The following DLGAP1 variants were observed in gnomAD, a reference collection of about 807,000 sequenced individuals.
DLGAP1 encodes disks large-associated protein 1.
A neutral mutation model predicts 90.8 loss-of-function variants in DLGAP1; 11 were observed. The ratio of observed to expected loss-of-function variants is 0.12; its 90% CI spans 0.08 to 0.20. The LOEUF (loss-of-function observed/expected upper bound fraction) is 0.20, where lower values mean the gene tolerates loss of function less well. Among genes scored for constraint, DLGAP1 ranks in the 10% least tolerant of loss-of-function variants. DLGAP1 has a pLI of 1.00. For synonymous variants in DLGAP1, 558 were observed against 540.7 expected (o/e 1.03, Z -0.44); for missense variants, 1,050 against 1,333.8 (o/e 0.79, Z 3.31).
At chr18:3,568,969 A>T (rs1400074232) in intron 8 of DLGAP1, among the ~76,000 whole-genome samples, 2 of 150,874 alleles carry the variant, frequency 1.3e-5, no homozygotes, top group African/African-American at 2.4e-5. Context: ...TACAGCCATG[A>T]GCCACCACGC....
chr18:3,583,986 C>T (rs1466714112), intron 7 of DLGAP1, among the ~76,000 whole-genome samples: 1 of 152,056 alleles, frequency 6.6e-6, no homozygotes, highest in Non-Finnish European at 1.5e-5. Flanking sequence ...CTGCTGAGTA[C>T]AATTTTGGAC....
At chr18:3,521,520 G>A (rs971713023) in intron 10 of DLGAP1, among the ~76,000 whole-genome samples, 2 of 152,150 alleles carry the variant, frequency 1.3e-5, no homozygotes, top group African/African-American at 4.8e-5. Flanking sequence ...AGCTGAGACT[G>A]TCTCTTCCCT....
intron 9 of DLGAP1, among the ~76,000 whole-genome samples, chr18:3,561,860 T>C (rs1283706228): frequency 6.6e-6 from 1 of 150,916 alleles, no homozygotes; most frequent in Non-Finnish European, 1.5e-5. Flanking sequence ...TTATGGGACT[T>C]ACAGTTCCAT....
intron 3 of DLGAP1, among the ~76,000 whole-genome samples, chr18:3,958,460 CA>C (rs71160925): frequency 0.61 from 59,632 of 97,152 alleles, 16,179 homozygotes; most frequent in East Asian, 0.78. Context: ...TTAGGATAAG[CA>C]AAAAAAAAAA....
At chr18:3,823,460 G>T (rs2067533504) in intron 4 of DLGAP1, among the ~76,000 whole-genome samples, 1 of 152,098 alleles carries the variant, frequency 6.6e-6, no homozygotes, top group Non-Finnish European at 1.5e-5. Context: ...AAAAAATTGA[G>T]ACTTAGTGGT....
chr18:3,910,937 G>C (rs1236039429), intron 3 of DLGAP1, among the ~76,000 whole-genome samples: 1 of 152,192 alleles, frequency 6.6e-6, no homozygotes, highest in Non-Finnish European at 1.5e-5. Context: ...AAGGATCATT[G>C]CTTGCTGGGA....
At chr18:3,987,177 G>C (rs758368412) in intron 3 of DLGAP1, among the ~76,000 whole-genome samples, 4 of 152,128 alleles carry the variant, frequency 2.6e-5, no homozygotes, top group Admixed American at 6.5e-5. Flanking sequence ...TCAAATGGTA[G>C]AGTGCCTTGG....
chr18:4,287,816 A>C (rs1211194204), intron 1 of DLGAP1, among the ~76,000 whole-genome samples: 1 of 152,110 alleles, frequency 6.6e-6, no homozygotes, highest in Non-Finnish European at 1.5e-5. Context: ...AAACCTGTAC[A>C]TTCTGCACAT....
intron 7 of DLGAP1, among the ~76,000 whole-genome samples, chr18:3,629,784 G>A (rs2058457349): frequency 6.6e-6 from 1 of 152,120 alleles, no homozygotes; most frequent in African/African-American, 2.4e-5. Context: ...ACTTATTTTG[G>A]ATTCCTAATG....
chr18:4,451,247 A>C (rs758686097), intron 1 of DLGAP1, among the ~76,000 whole-genome samples: 2 of 152,156 alleles, frequency 1.3e-5, no homozygotes, highest in Non-Finnish European at 2.9e-5. Context: ...AGAACAGAAG[A>C]CCTCAAAGGG....
At chr18:3,609,220 A>T (rs2057475777) in intron 7 of DLGAP1, among the ~76,000 whole-genome samples, 1 of 152,020 alleles carries the variant, frequency 6.6e-6, no homozygotes, top group South Asian at 2.1e-4. Context: ...ATTTTTAAAC[A>T]TTTTTTTGTA....
At chr18:4,282,712 T>C (rs1265754857) in intron 1 of DLGAP1, among the ~76,000 whole-genome samples, 1 of 152,186 alleles carries the variant, frequency 6.6e-6, no homozygotes, top group African/African-American at 2.4e-5. Flanking sequence ...CATAAAAAAA[T>C]AGAAGTAACC....
rs140622226 is a variant in DLGAP1 at position 4,233,479 on chromosome 18, T to G, written c.-266-82192A>C. ...AGATTACCTCAGAGGTGAGGTGCCT[T>G]CTCATCACATAATATCACAGGGTAC... On this transcript the variant is annotated intron_variant, in intron 1 of 12. Transcript: ENST00000315677. 2.5e-4 allele frequency among the ~76,000 whole-genome samples: 38 copies of G among 152,326 alleles called. No homozygotes were observed. In the East Asian group the frequency reaches 7.1e-3, roughly 29 times the overall value.
rs539436313 is a variant in DLGAP1 at position 3,791,248 on chromosome 18, T to C, written c.1172+22811A>G. On this transcript the variant is annotated intron_variant, in intron 5 of 12. Coordinates refer to ENST00000315677, the MANE Select transcript of DLGAP1 (RefSeq NM_004746.4). The stretch of plus-strand genomic sequence containing the variant: ...CAAGCACCTTATCTTCTAGGAACTT[T>C]GCAAGGCATGATGATAATTACTAAT... Among the ~76,000 whole-genome samples the C allele has an allele frequency of 6.6e-5, 10 of 152,380 alleles. No homozygotes were observed. In the East Asian group the frequency reaches 1.7e-3, roughly 26 times the overall value.
chr18:4,314,402 T>A (rs1254563237), intron 1 of DLGAP1, among the ~76,000 whole-genome samples: 1 of 152,100 alleles, frequency 6.6e-6, no homozygotes, highest in Non-Finnish European at 1.5e-5. Context: ...TAATTTTTGT[T>A]ATTTGTATTT....
intron 7 of DLGAP1, chr18:3,656,422 A>C (rs985842599): frequency 1.5e-5 from 5 of 329,510 alleles, no homozygotes; most frequent in African/African-American, 1.1e-4. Flanking sequence ...AAATTATACC[A>C]GATTATGGAT....
intron 7 of DLGAP1, among the ~76,000 whole-genome samples, chr18:3,704,149 C>T (rs28714205): frequency 0.024 from 3,587 of 152,328 alleles, 143 homozygotes; most frequent in African/African-American, 0.082. Context: ...GGATGCTCTG[C>T]GGGGCCCACG....
intron 3 of DLGAP1, among the ~76,000 whole-genome samples, chr18:3,882,411 T>C (rs2071197341): frequency 6.6e-6 from 1 of 151,508 alleles, no homozygotes; most frequent in African/African-American, 2.4e-5. Flanking sequence ...TGCATGCCTG[T>C]AGTCCCAGCT....
intron 3 of DLGAP1, among the ~76,000 whole-genome samples, chr18:3,954,132 A>T (rs11081077): frequency 0.16 from 24,761 of 152,262 alleles, 2,153 homozygotes; most frequent in Middle Eastern, 0.22. Context: ...TCAAAGTAAG[A>T]AGGTATTTTT....
Sources: allele counts gnomAD v4.1 joint callset (sites outside exome capture counted in the v4.1 genomes callset), GRCh38; gene constraint gnomAD v4.1.1; transcripts MANE v1.5; gene names NCBI Gene and HGNC (gene_info 2026-07-23, HGNC 2026-07-21).